LAMTOR2: variants seen among roughly 807,000 people sequenced by gnomAD.
The protein encoded by LAMTOR2 is ragulator complex protein LAMTOR2.
A neutral mutation model predicts 15.8 loss-of-function variants in LAMTOR2; 4 were observed. That is an observed-to-expected ratio of 0.25 (90% CI 0.12 to 0.58). The LOEUF (loss-of-function observed/expected upper bound fraction) is 0.58, where lower values mean the gene tolerates loss of function less well. LAMTOR2 is among the 20% of genes least tolerant of loss of function. The probability of loss-of-function intolerance (pLI) is 0.91; values close to 1 mark genes in which losing one functional copy is unlikely to be tolerated. For missense variants in LAMTOR2, 100 were observed against 161.0 expected, an observed-to-expected ratio of 0.62 and a Z score of 2.05; for synonymous variants, 62 against 64.1, an observed-to-expected ratio of 0.97 and a Z score of 0.15.
Position 156,057,100 on chromosome 1 carries a change from C to T in LAMTOR2, c.232-878C>T, listed in dbSNP as rs1297533090. ...GGCTGAGGCAGGAGAATCACTTGAA[C>T]CCAGGAGGCAGTGGTTGCAGTGAGC... is the stretch of plus-strand genomic sequence containing the variant. On this transcript the variant is annotated intron_variant, in intron 2 of 3. Transcript: ENST00000368305. Among the ~76,000 whole-genome samples the T allele has an allele frequency of 2.6e-5, 4 of 151,462 alleles. No individual in the cohort carries two copies. In the East Asian group the frequency reaches 7.7e-4, roughly 29 times the overall value.
chr1:156,055,539 T>A lies in LAMTOR2; in HGVS notation c.231+114T>A. 8.2e-7 allele frequency: 1 copy of A among 1,224,140 alleles called. No homozygotes were observed. Among genetic ancestry groups the A allele is most frequent in the African/African-American group, 1.5e-5 (1 of 67,562 alleles). The allele number at this position is 1,224,140 out of a possible 1,614,324, so 75.8% of individuals were successfully genotyped here. A position where few individuals can be genotyped will look rare whatever the true frequency, so the allele number is the denominator to read the frequency against. ...AGGGACAGGATCTCCGGAAGATTAC[T>A]AAGAGTTGGTCTGCAGCAGCATTTG... On this transcript the variant is annotated intron_variant, in intron 2 of 3. Coordinates refer to ENST00000368305, the MANE Select transcript of LAMTOR2 (RefSeq NM_014017.4). The surrounding 1 kb of genome is among the most constrained non-coding windows in gnomAD (Gnocchi z 4.8).
Position 156,058,412 on chromosome 1 carries a change from A to T in LAMTOR2, c.*41A>T. 1 of 1,609,996 alleles carries T rather than the reference A, an allele frequency of 6.2e-7. No individual in the cohort carries two copies. The highest frequency in any genetic ancestry group is 8.5e-7 in the Non-Finnish European group (1 of 1,176,368). Reference sequence around the variant, plus strand: ...CTGGGGTCAGAAAAGAGAAATGACCATTTGGAGGGGCGGGGCCTCCTAGAA... The same window carrying T: ...CTGGGGTCAGAAAAGAGAAATGACCTTTTGGAGGGGCGGGGCCTCCTAGAA... On this transcript the variant is annotated 3_prime_UTR_variant, in exon 4 of 4. Transcript: ENST00000368305.
chr1:156,057,856 C>T (rs1315776679), intron 2 of LAMTOR2, 122 bp from the exon 3 acceptor site: 9 of 930,306 alleles, frequency 9.7e-6, no homozygotes, highest in African/African-American at 1.6e-5. Context: ...CGCTGAACTT[C>T]CTGCTGTGCC....
Position 156,055,122 on chromosome 1 carries a change from T to C in LAMTOR2, c.69-141T>C, listed in dbSNP as rs995432484. 2.3e-5 allele frequency: 32 copies of C among 1,381,720 alleles called. No individual in the cohort carries two copies. Among genetic ancestry groups the C allele is most frequent in the Non-Finnish European group, 3.3e-5 (32 of 978,188 alleles). 85.6% of individuals were successfully genotyped at this position (1,381,720 alleles called of 1,614,324 possible). On this transcript the variant is annotated intron_variant, in intron 1 of 3. Transcript: ENST00000368305. The surrounding 1 kb of genome is among the most constrained non-coding windows in gnomAD (Gnocchi z 4.8). ...CCCCTGTCGAAAAGGGAAGCCGGTG[T>C]GCTGGGTGCTTAGGGCATGTTCCGG...
At chr1:156,058,270 A>G in intron 3 of LAMTOR2, 45 bp from the exon 4 acceptor site, 1 of 1,613,302 alleles carries the variant, frequency 6.2e-7, no homozygotes, top group Non-Finnish European at 8.5e-7. Flanking sequence ...TGGGGTCCCT[A>G]ATGCCAGGCT....
Position 156,058,362 on chromosome 1 carries a change from G to C in LAMTOR2, c.369G>C (p.Ala123=). The C allele has an allele frequency of 6.2e-7, 1 of 1,614,116 alleles. No individual in the cohort carries two copies. The highest frequency in any genetic ancestry group is 8.5e-7 in the Non-Finnish European group (1 of 1,180,012). Residue 123 remains alanine (A), a synonymous_variant, in exon 4 of 4, where the codon GCG becomes GCC. Coordinates refer to ENST00000368305, the MANE Select transcript of LAMTOR2 (RefSeq NM_014017.4). ...QYLEEPLTQV[A]AS Reference sequence around the variant, plus strand: ...TGGAGGAGCCCCTCACCCAAGTGGCGGCATCTTAACGGCATTGGTGGAAGC... The same window carrying C: ...TGGAGGAGCCCCTCACCCAAGTGGCCGCATCTTAACGGCATTGGTGGAAGC...
chr1:156,058,290 A>C (rs771940362), intron 3 of LAMTOR2, 25 bp from the exon 4 acceptor site: 17 of 1,613,926 alleles, frequency 1.1e-5, no homozygotes, highest in Non-Finnish European at 1.4e-5. Flanking sequence ...TGTGTGCGGG[A>C]CTGATCTCTG....
Position 156,055,382 on chromosome 1 carries a change from C to G in LAMTOR2, c.188C>G (p.Ala63Gly), listed in dbSNP as rs1647309276. ...WAAYDRNGNQAFNEDNLKFIL... is the reference protein window; with the variant it reads ...WAAYDRNGNQGFNEDNLKFIL... ...GCCTACGACCGGAACGGGAACCAAGCGTTTAATGAAGACAATCTCAAATTC... is the reference window on the plus strand; with the variant it reads ...GCCTACGACCGGAACGGGAACCAAGGGTTTAATGAAGACAATCTCAAATTC... The change falls in exon 2 of 4, where the codon GCG becomes GGG. Residue 63 changes from alanine to glycine, a missense_variant. Ala to Gly is a moderately conservative substitution (Grantham distance 60, BLOSUM62 0). Transcript: ENST00000368305. The surrounding 1 kb of genome is among the most constrained non-coding windows in gnomAD (Gnocchi z 4.8). 3 of 1,614,106 alleles carry G rather than the reference C, an allele frequency of 1.9e-6. No homozygotes were observed. Among genetic ancestry groups the G allele is most frequent in the Non-Finnish European group, 2.5e-6 (3 of 1,180,048 alleles).
chr1:156,057,341 T>A (rs924882722), intron 2 of LAMTOR2, among the ~76,000 whole-genome samples: 1 of 152,010 alleles, frequency 6.6e-6, no homozygotes, highest in Non-Finnish European at 1.5e-5. Context: ...AAAAAAATTT[T>A]AATAAATAAA....
In LAMTOR2 at chr1:156,055,049, G is replaced by T; in HGVS notation, c.68+92G>T. 6.8e-7 allele frequency: 1 copy of T among 1,465,794 alleles called. No homozygotes were observed. The highest frequency in any genetic ancestry group is 9.5e-7 in the Non-Finnish European group (1 of 1,055,672). The allele number at this position is 1,465,794 out of a possible 1,614,324, so 90.8% of individuals were successfully genotyped here. ...GGGGTGGGGAAGGATCACCAGGAAG[G>T]GAGGAAGCGGCAGAGGGGGCAGCGG... On this transcript the variant is annotated intron_variant, in intron 1 of 3. Coordinates refer to ENST00000368305, the MANE Select transcript of LAMTOR2 (RefSeq NM_014017.4). This position sits in a 1 kb window ranked among gnomAD's most constrained non-coding sequence, Gnocchi z 4.8.
Position 156,055,798 on chromosome 1 carries a change from T to G in LAMTOR2, c.231+373T>G, listed in dbSNP as rs1184174623. On this transcript the variant is annotated intron_variant, in intron 2 of 3. Transcript: ENST00000368305. This position sits in a 1 kb window ranked among gnomAD's most constrained non-coding sequence, Gnocchi z 4.8. ...CAGATGAAATAATGGGTATAAACAG[T>G]AGAATGACGTGCAAACACAAAGTGT... 1 of 281,332 alleles carries G rather than the reference T, an allele frequency of 3.6e-6. No individual in the cohort carries two copies. Among genetic ancestry groups the G allele is most frequent in the African/African-American group, 2.2e-5 (1 of 46,370 alleles). The allele number at this position is 281,332 out of a possible 1,614,324, so 17.4% of individuals were successfully genotyped here. A position where few individuals can be genotyped will look rare whatever the true frequency, so the allele number is the denominator to read the frequency against.
chr1:156,056,678 G>C (rs1242103305), intron 2 of LAMTOR2, among the ~76,000 whole-genome samples: 1 of 152,256 alleles, frequency 6.6e-6, no homozygotes, highest in Non-Finnish European at 1.5e-5. Context: ...GTAAAAGTTT[G>C]CTGAACTTAC....
At chr1:156,056,918 G>A (rs1647388285) in intron 2 of LAMTOR2, among the ~76,000 whole-genome samples, 1 of 152,290 alleles carries the variant, frequency 6.6e-6, no homozygotes, top group East Asian at 1.9e-4. Context: ...GGTGGCTCAT[G>A]CCTGTAATCC....
At chr1:156,058,162 A>C in intron 3 of LAMTOR2, 95 bp downstream of exon 3, 5 of 1,498,070 alleles carry the variant, frequency 3.3e-6, no homozygotes, top group Non-Finnish European at 2.8e-6. Flanking sequence ...TAGAGTTCTC[A>C]TGTCTACTCA....
rs6427299 is a variant in LAMTOR2 at position 156,057,759 on chromosome 1, C to T, written c.232-219C>T. Among the ~76,000 whole-genome samples, 22,904 of 152,134 alleles carry T rather than the reference C, an allele frequency of 0.15. 2,082 individuals are homozygous for T. The highest frequency in any genetic ancestry group is 0.27 in the Middle Eastern group (78 of 294). ...TGAATTTCTGAGAGACTAAGTTTCCCAGAGTAACATGGTTAGTAGGTGGCT... is the reference window on the plus strand; with the variant it reads ...TGAATTTCTGAGAGACTAAGTTTCCTAGAGTAACATGGTTAGTAGGTGGCT... On this transcript the variant is annotated intron_variant, in intron 2 of 3. Transcript: ENST00000368305.
chr1:156,057,065 C>A (rs1407237834), intron 2 of LAMTOR2, among the ~76,000 whole-genome samples: 1 of 151,698 alleles, frequency 6.6e-6, no homozygotes, highest in Non-Finnish European at 1.5e-5. Context: ...GTAATCCCAG[C>A]CACTCAGGAG....
chr1:156,058,354 C>G lies in LAMTOR2; in HGVS notation c.361C>G (p.Gln121Glu), dbSNP rs1647441076. ...GCAGTACCTGGAGGAGCCCCTCACCCAAGTGGCGGCATCTTAACGGCATTG... is the reference window on the plus strand; with the variant it reads ...GCAGTACCTGGAGGAGCCCCTCACCGAAGTGGCGGCATCTTAACGGCATTG... Reference protein sequence around the residue: ...LVQYLEEPLTQVAAS With the variant: ...LVQYLEEPLTEVAAS The change falls in exon 4 of 4, where the codon CAA becomes GAA. Residue 121 changes from glutamine to glutamate, a missense_variant. Transcript: ENST00000368305. 6.2e-7 allele frequency: 1 copy of G among 1,614,098 alleles called. No homozygotes were observed. The highest frequency in any genetic ancestry group is 8.5e-7 in the Non-Finnish European group (1 of 1,180,010).
Position 156,058,411 on chromosome 1 carries a change from C to A in LAMTOR2, c.*40C>A. The stretch of plus-strand genomic sequence containing the variant: ...GCTGGGGTCAGAAAAGAGAAATGAC[C>A]ATTTGGAGGGGCGGGGCCTCCTAGA... On this transcript the variant is annotated 3_prime_UTR_variant, in exon 4 of 4. Transcript: ENST00000368305. 1 of 1,610,672 alleles carries A rather than the reference C, an allele frequency of 6.2e-7. No individual in the cohort carries two copies.
At chr1:156,057,073 G>T (rs1647393335) in intron 2 of LAMTOR2, among the ~76,000 whole-genome samples, 1 of 151,336 alleles carries the variant, frequency 6.6e-6, no homozygotes, top group African/African-American at 2.4e-5. Context: ...AGCCACTCAG[G>T]AGGCTGAGGC....
Sources: allele counts gnomAD v4.1 joint callset (sites outside exome capture counted in the v4.1 genomes callset), GRCh38; gene constraint gnomAD v4.1.1; non-coding constraint Gnocchi (gnomAD v3.1); transcripts MANE v1.5; gene names NCBI Gene and HGNC (gene_info 2026-07-23, HGNC 2026-07-21).